The following BCO2 variants were observed in gnomAD, a reference collection of about 807,000 sequenced individuals.
BCO2 encodes the protein carotenoid-cleaving dioxygenase, mitochondrial.
Under a neutral mutation model 65.8 loss-of-function variants are expected in BCO2, and 56 were observed. The ratio of observed to expected loss-of-function variants is 0.85; its 90% CI spans 0.69 to 1.06. The LOEUF (loss-of-function observed/expected upper bound fraction) is 1.06. Ranked by LOEUF, BCO2 falls within the 50% of genes least tolerant of loss-of-function variation. The probability of loss-of-function intolerance (pLI) is 0.00; values close to 1 mark genes in which losing one functional copy is unlikely to be tolerated. For synonymous variants in BCO2, 233 were observed against 242.3 expected, an observed-to-expected ratio of 0.96 and a Z score of 0.36; for missense variants, 675 against 698.5, an observed-to-expected ratio of 0.97 and a Z score of 0.38.
At chr11:112,196,254 CTT>C (rs769379534) in intron 5 of BCO2, among the ~76,000 whole-genome samples, 21 of 147,368 alleles carry the variant, frequency 1.4e-4, no homozygotes, top group African/African-American at 4.7e-4. Context: ...ACTGAATCTA[CTT>C]TTTTTTTTTT....
At chr11:112,185,593 A>G (rs1867175879) in intron 2 of BCO2, among the ~76,000 whole-genome samples, 1 of 152,138 alleles carries the variant, frequency 6.6e-6, no homozygotes, top group South Asian at 2.1e-4. Context: ...CGCTATTTCT[A>G]CGGATTTGTT....
intron 8 of BCO2, among the ~76,000 whole-genome samples, chr11:112,210,370 C>A (rs1322720261): frequency 6.6e-6 from 1 of 152,244 alleles, no homozygotes; most frequent in East Asian, 1.9e-4. Context: ...TTTTGAGACA[C>A]AAGATGATGT....
intron 2 of BCO2, among the ~76,000 whole-genome samples, chr11:112,192,515 G>A (rs1358136290): frequency 6.6e-6 from 1 of 151,804 alleles, no homozygotes; most frequent in Admixed American, 6.6e-5. Flanking sequence ...GTAATCATAT[G>A]GACAAAAATG....
chr11:112,200,518 G>C (rs1018972737), intron 6 of BCO2, 95 bp from the exon 7 acceptor site: 1 of 1,081,288 alleles, frequency 9.2e-7, no homozygotes, highest in Admixed American at 2.4e-5. Context: ...CATCAGTAAC[G>C]TGTCCAGGCA....
intron 8 of BCO2, among the ~76,000 whole-genome samples, chr11:112,204,138 G>A (rs1867808337): frequency 1.3e-5 from 2 of 152,180 alleles, no homozygotes; most frequent in Non-Finnish European, 2.9e-5. Context: ...ACAGGCGTGA[G>A]CCACAGCGCC....
chr11:112,216,616 T>C (rs111563501), intron 11 of BCO2, among the ~76,000 whole-genome samples: 6 of 152,354 alleles, frequency 3.9e-5, no homozygotes, highest in African/African-American at 1.4e-4. Context: ...ATTTTATACA[T>C]GTGGAATTTG....
At chr11:112,183,312 TTA>T in intron 2 of BCO2, 1 of 622,788 alleles carries the variant, frequency 1.6e-6, no homozygotes. Context: ...AAAAAAACAT[TTA>T]GAGGATTATG....
chr11:112,195,352 C>G (rs1867539829), intron 5 of BCO2, among the ~76,000 whole-genome samples: 1 of 152,170 alleles, frequency 6.6e-6, no homozygotes, highest in South Asian at 2.1e-4. Flanking sequence ...CCGGGATGGT[C>G]TTGGTCTCCT....
chr11:112,193,850 A>G (rs938112253), intron 3 of BCO2, 29 bp from the exon 4 acceptor site: 4 of 1,492,292 alleles, frequency 2.7e-6, no homozygotes, highest in African/African-American at 2.8e-5. Flanking sequence ...AAGCTGTGGT[A>G]CTTAAATAAC....
intron 5 of BCO2, among the ~76,000 whole-genome samples, chr11:112,197,562 A>AAAG (rs1566784443): frequency 1.3e-5 from 2 of 149,398 alleles, no homozygotes; most frequent in African/African-American, 2.5e-5. Flanking sequence ...AAAAAAAAAA[A>AAAG]GAAGTAATTT....
chr11:112,188,972 T>C (rs2135361280), intron 2 of BCO2, among the ~76,000 whole-genome samples: 1 of 152,326 alleles, frequency 6.6e-6, no homozygotes, highest in East Asian at 1.9e-4. Flanking sequence ...CTTGAAATTA[T>C]TGTAAGTTTT....
intron 2 of BCO2, among the ~76,000 whole-genome samples, chr11:112,185,310 C>T (rs1016756537): frequency 2.6e-5 from 4 of 151,926 alleles, no homozygotes; most frequent in East Asian, 1.9e-4. Flanking sequence ...CATTAATAAA[C>T]GATATAAAGT....
rs746804943 is a variant in BCO2 at position 112,214,789 on chromosome 11, C to T, written c.1360C>T (p.Gln454Ter). The change falls in exon 10 of 12, where the codon CAG becomes TAG. Residue 454 changes from glutamine (Q) to a stop codon, truncating the protein, a stop_gained. Transcript: ENST00000357685. LOFTEE classifies it high-confidence loss of function. Reference sequence around the variant, plus strand: ...CTGGTGCTCTCATGAAAATCTACATCAGGAGGACCTAGAAAAGGAAGGAGG... The same window carrying T: ...CTGGTGCTCTCATGAAAATCTACATTAGGAGGACCTAGAAAAGGAAGGAGG... ...TIWCSHENLHQEDLEKEGGIE... is the reference protein window; with the variant it reads ...TIWCSHENLH 1.9e-6 allele frequency: 3 copies of T among 1,613,720 alleles called. No individual in the cohort carries two copies. Among genetic ancestry groups the T allele is most frequent in the Non-Finnish European group, 1.7e-6 (2 of 1,179,654 alleles).
At chr11:112,180,414 T>A (rs1420238604) in intron 2 of BCO2, among the ~76,000 whole-genome samples, 1 of 152,234 alleles carries the variant, frequency 6.6e-6, no homozygotes, top group African/African-American at 2.4e-5. Flanking sequence ...ATTTGAGTGT[T>A]AAGCTCTGTT....
At chr11:112,192,991 T>C (rs1867441412) in intron 2 of BCO2, among the ~76,000 whole-genome samples, 1 of 146,030 alleles carries the variant, frequency 6.8e-6, no homozygotes, top group Admixed American at 6.9e-5. Flanking sequence ...TTTTTTTTTT[T>C]TTTTGAGATA....
In BCO2 at chr11:112,209,979, T is replaced by C. The variant is rs566774506; in HGVS notation, c.1195-3745T>C. Reference sequence around the variant, plus strand: ...TTGTGGTTTTTCTAGTCTCATACAATGAGTTGGGAATTGTTCTCTGTTTTC... The same window carrying C: ...TTGTGGTTTTTCTAGTCTCATACAACGAGTTGGGAATTGTTCTCTGTTTTC... On this transcript the variant is annotated intron_variant, in intron 8 of 11. Transcript: ENST00000357685. 7.9e-4 allele frequency among the ~76,000 whole-genome samples: 120 copies of C among 152,326 alleles called. 1 individual carries two copies. Among genetic ancestry groups the C allele is most frequent in the African/African-American group, 2.8e-3 (118 of 41,596 alleles).
At chr11:112,184,533 A>G (rs547756951) in intron 2 of BCO2, among the ~76,000 whole-genome samples, 3 of 152,264 alleles carry the variant, frequency 2.0e-5, no homozygotes, top group Non-Finnish European at 4.4e-5. Context: ...GATTACAGGC[A>G]TGAGCCACTG....
At chr11:112,210,664 G>T (rs981266406) in intron 8 of BCO2, among the ~76,000 whole-genome samples, 1 of 152,066 alleles carries the variant, frequency 6.6e-6, no homozygotes, top group Non-Finnish European at 1.5e-5. Context: ...TAGCGTGAAG[G>T]ATCCTTGTGG....
At position 112,199,841 on chromosome 11, in the gene BCO2, T is replaced by C. The variant is rs1566786857; in HGVS notation, c.865+14T>C. On this transcript the variant is annotated intron_variant, in intron 6 of 11. Coordinates refer to ENST00000357685, the MANE Select transcript of BCO2 (RefSeq NM_031938.7). ...ACCATAGCTTTGGTGAGTCCAGAGATAAGGCAAATTTCAGTGGGCTCTGCC... is the reference window on the plus strand; with the variant it reads ...ACCATAGCTTTGGTGAGTCCAGAGACAAGGCAAATTTCAGTGGGCTCTGCC... 3 of 1,612,450 alleles carry C rather than the reference T, an allele frequency of 1.9e-6. No homozygotes were observed. The highest frequency in any genetic ancestry group is 8.5e-7 in the Non-Finnish European group (1 of 1,179,298).
Sources: allele counts gnomAD v4.1 joint callset (sites outside exome capture counted in the v4.1 genomes callset), GRCh38; gene constraint gnomAD v4.1.1; transcripts MANE v1.5; gene names NCBI Gene and HGNC (gene_info 2026-07-23, HGNC 2026-07-21).